Variants in PHACTR1 observed in about 807,000 individuals in gnomAD.
The protein encoded by PHACTR1 is RPEL repeat containing 1.
PHACTR1 carries 16 observed loss-of-function variants against 69.2 expected under a neutral mutation model. That is an observed-to-expected ratio of 0.23 (90% CI 0.16 to 0.35). The LOEUF (loss-of-function observed/expected upper bound fraction) is 0.35, where lower values mean the gene tolerates loss of function less well. Ranked by LOEUF, PHACTR1 falls within the 10% of genes least tolerant of loss-of-function variation. The pLI is 1.00. For missense variants in PHACTR1, 510 were observed against 734.7 expected (o/e 0.69, Z 3.54); for synonymous variants, 312 against 284.5 (o/e 1.10, Z -0.97).
At position 12,826,408 on chromosome 6, in the gene PHACTR1, C is replaced by T. The variant is rs76780717; in HGVS notation, c.250+76618C>T. Among the ~76,000 whole-genome samples the T allele has an allele frequency of 5.4e-3, 828 of 152,272 alleles. 3 individuals are homozygous for T. Among genetic ancestry groups the T allele is most frequent in the Non-Finnish European group, 9.5e-3 (644 of 68,014 alleles). On this transcript the variant is annotated intron_variant, in intron 4 of 14. Transcript: ENST00000332995. ...ATAATTGGCTAGGAAAATTTAAAAACTTGATCAAATTTAGCAACAATTCCC... is the reference window on the plus strand; with the variant it reads ...ATAATTGGCTAGGAAAATTTAAAAATTTGATCAAATTTAGCAACAATTCCC...
At position 13,205,909 on chromosome 6, in the gene PHACTR1, G is replaced by C; in HGVS notation, c.759G>C (p.Gly253=). ...KKVMICMPVG[G]PDLSLVSYTA... is the part of the protein sequence containing the mutation. ...TCATGATCTGTATGCCCGTGGGGGGGCCAGACCTCTCACTGGTGTCCTACA... is the reference window on the plus strand; with the variant it reads ...TCATGATCTGTATGCCCGTGGGGGGCCCAGACCTCTCACTGGTGTCCTACA... Residue 253 remains glycine, a synonymous_variant, in exon 8 of 15, where the codon GGG becomes GGC. Transcript: ENST00000332995. 6.2e-7 allele frequency: 1 copy of C among 1,613,804 alleles called. No homozygotes were observed. The highest frequency in any genetic ancestry group is 8.5e-7 in the Non-Finnish European group (1 of 1,179,730).
chr6:12,853,184 G>A (rs113056186), intron 4 of PHACTR1, among the ~76,000 whole-genome samples: 25 of 152,206 alleles, frequency 1.6e-4, no homozygotes, highest in African/African-American at 5.8e-4. Context: ...GTATAAAATT[G>A]GATAAAAAAC....
At chr6:13,204,606 A>G (rs896958934) in intron 7 of PHACTR1, among the ~76,000 whole-genome samples, 12 of 152,178 alleles carry the variant, frequency 7.9e-5, no homozygotes, top group African/African-American at 2.4e-4. Flanking sequence ...TGGCATTGTC[A>G]TGGAACCCAG....
chr6:13,101,127 G>A (rs1815085941), intron 5 of PHACTR1, among the ~76,000 whole-genome samples: 1 of 152,176 alleles, frequency 6.6e-6, no homozygotes, highest in African/African-American at 2.4e-5. Context: ...GAACAAAAAT[G>A]TATTTGGCTT....
chr6:12,935,634 T>TGC (rs1211311408), intron 4 of PHACTR1, among the ~76,000 whole-genome samples: 1 of 151,932 alleles, frequency 6.6e-6, no homozygotes. Flanking sequence ...CCCACGTGTG[T>TGC]GTGTGTGTGT....
At chr6:13,209,320 C>G (rs1374984554) in intron 8 of PHACTR1, among the ~76,000 whole-genome samples, 1 of 152,188 alleles carries the variant, frequency 6.6e-6, no homozygotes, top group Admixed American at 6.5e-5. Context: ...CATTCTTGTT[C>G]TAACCAAGTT....
chr6:12,924,571 G>A (rs531855929), intron 4 of PHACTR1, among the ~76,000 whole-genome samples: 6 of 152,140 alleles, frequency 3.9e-5, no homozygotes, highest in African/African-American at 1.2e-4. Flanking sequence ...TCAGAAGATC[G>A]AGACCATCCT....
intron 4 of PHACTR1, among the ~76,000 whole-genome samples, chr6:12,904,458 C>T (rs1433430752): frequency 2.7e-5 from 4 of 150,780 alleles, no homozygotes; most frequent in African/African-American, 4.9e-5. Flanking sequence ...TGCTTGAACC[C>T]GGGAGGCGGA....
chr6:13,157,637 T>C (rs992585590), intron 5 of PHACTR1, among the ~76,000 whole-genome samples: 41 of 152,236 alleles, frequency 2.7e-4, no homozygotes, highest in African/African-American at 9.4e-4. Context: ...CCTTTAGCGC[T>C]GTAGACCAGG....
chr6:12,879,695 A>G (rs1307026107), intron 4 of PHACTR1, among the ~76,000 whole-genome samples: 1 of 152,234 alleles, frequency 6.6e-6, no homozygotes, highest in African/African-American at 2.4e-5. Flanking sequence ...GTCCTTAACA[A>G]GAACTCTCTG....
chr6:13,124,493 A>T (rs1561863428), intron 5 of PHACTR1, among the ~76,000 whole-genome samples: 1 of 152,190 alleles, frequency 6.6e-6, no homozygotes. Context: ...TTGTTCCTTC[A>T]TACCCCCCTC....
chr6:13,226,143 T>C (rs781092231), intron 8 of PHACTR1, among the ~76,000 whole-genome samples: 3 of 152,232 alleles, frequency 2.0e-5, no homozygotes, highest in Non-Finnish European at 1.5e-5. Context: ...ATTCAGTAGT[T>C]GGCTTTTTTT....
intron 4 of PHACTR1, among the ~76,000 whole-genome samples, chr6:12,990,177 G>T (rs369418220): frequency 2.3e-4 from 35 of 152,192 alleles, no homozygotes; most frequent in African/African-American, 8.4e-4. Flanking sequence ...AGCAGTAATT[G>T]TCTTAGCTAG....
intron 4 of PHACTR1, among the ~76,000 whole-genome samples, chr6:12,853,652 G>GCTC (rs779139044): frequency 1.3e-5 from 2 of 152,192 alleles, no homozygotes; most frequent in Non-Finnish European, 2.9e-5. Context: ...ATGGTGCAAG[G>GCTC]CTCCTCTTCA....
chr6:12,726,906 G>A (rs1762865185), intron 3 of PHACTR1, among the ~76,000 whole-genome samples: 1 of 152,182 alleles, frequency 6.6e-6, no homozygotes, highest in Non-Finnish European at 1.5e-5. Flanking sequence ...TAGTTGATAT[G>A]TAATCATACT....
At chr6:12,843,192 TG>T (rs1261978144) in intron 4 of PHACTR1, among the ~76,000 whole-genome samples, 1 of 152,220 alleles carries the variant, frequency 6.6e-6, no homozygotes, top group African/African-American at 2.4e-5. Flanking sequence ...CACTTTGAGT[TG>T]ATCTTTGAAG....
chr6:13,271,320 G>A (rs1245418730), intron 10 of PHACTR1, among the ~76,000 whole-genome samples: 1 of 152,140 alleles, frequency 6.6e-6, no homozygotes, highest in East Asian at 1.9e-4. Flanking sequence ...CCGAGCAATG[G>A]GGATTACCAT....
chr6:12,931,549 G>A (rs1057310882), intron 4 of PHACTR1, among the ~76,000 whole-genome samples: 2 of 151,996 alleles, frequency 1.3e-5, no homozygotes, highest in African/African-American at 4.8e-5. Flanking sequence ...CATACTGTGG[G>A]GCATTGCTTA....
intron 4 of PHACTR1, among the ~76,000 whole-genome samples, chr6:12,965,464 T>TTTTTGCA (rs1793348212): frequency 6.6e-6 from 1 of 151,664 alleles, no homozygotes; most frequent in African/African-American, 2.4e-5. Flanking sequence ...TTTTTTTTTT[T>TTTTTGCA]TTTTGCATTT....
Sources: gnomAD v4.1 joint callset for allele counts (sites outside exome capture counted in the v4.1 genomes callset) on GRCh38, gnomAD v4.1.1 for gene constraint, MANE v1.5 for transcripts, NCBI Gene and HGNC (gene_info 2026-07-23, HGNC 2026-07-21) for gene names.